Variants in TTC3 observed in about 807,000 individuals in gnomAD.
TTC3 encodes the protein tetratricopeptide repeat domain 3, also known as E3 ubiquitin-protein ligase TTC3.
Under a neutral mutation model 249.6 loss-of-function variants are expected in TTC3, and 180 were observed. The observed-to-expected ratio is 0.72, with a 90% CI of 0.64 to 0.82. The LOEUF is 0.82. Among genes scored for constraint, TTC3 ranks in the 40% least tolerant of loss-of-function variants. The probability of loss-of-function intolerance (pLI) is 0.00; values close to 1 mark genes in which losing one functional copy is unlikely to be tolerated. For missense variants in TTC3, 2,061 were observed against 2,398.4 expected (o/e 0.86, Z 2.94); for synonymous variants, 717 against 805.0 (o/e 0.89, Z 1.85).
chr21:37,087,702 T>C, intron 2 of TTC3, 131 bp from the exon 3 acceptor site: 3 of 794,506 alleles, frequency 3.8e-6, no homozygotes, highest in Non-Finnish European at 6.2e-6. Context: ...TAAGACTCTT[T>C]GGCTGAAGAT....
intron 1 of TTC3, among the ~76,000 whole-genome samples, chr21:37,073,682 G>T (rs1218633864): frequency 6.6e-6 from 1 of 152,098 alleles, no homozygotes; most frequent in Non-Finnish European, 1.5e-5. Context: ...ACCCCCCGCT[G>T]CCCGTGCCTC....
At chr21:37,169,654 G>GC (rs5843809) in intron 34 of TTC3, among the ~76,000 whole-genome samples, 151,546 of 151,560 alleles carry the variant, frequency 1, 75,766 homozygotes, top group Middle Eastern at 1. Flanking sequence ...TTTGAGACCA[G>GC]CTGGCCAACA....
In TTC3 at chr21:37,166,545, A is replaced by G. The variant is rs1368928374; in HGVS notation, c.4331A>G (p.Lys1444Arg). ...GAGCACTGTGGAAATTCTAACAACA[A>G]ATGTGAAGTAATTCCAGAAAGCACC... is the stretch of plus-strand genomic sequence containing the variant. Residue 1444 changes from lysine (K) to arginine (R), a missense_variant, in exon 33 of 46, where the codon AAA (lysine) becomes AGA (arginine). Transcript: ENST00000355666. 4 of 1,614,078 alleles carry G rather than the reference A, an allele frequency of 2.5e-6. No homozygotes were observed. The Admixed American group carries it at 6.7e-5, about 27-fold the overall frequency.
chr21:37,141,489 G>T (rs35179231), intron 20 of TTC3, among the ~76,000 whole-genome samples: 2 of 151,062 alleles, frequency 1.3e-5, no homozygotes, highest in Non-Finnish European at 2.9e-5. Flanking sequence ...TTTTTTTTTG[G>T]CCAGGCACAG....
intron 35 of TTC3, among the ~76,000 whole-genome samples, chr21:37,175,784 T>A (rs2082221741): frequency 1.3e-5 from 2 of 151,644 alleles, no homozygotes; most frequent in Admixed American, 1.3e-4. Flanking sequence ...TTTTTTTTTA[T>A]TTTTTAGATG....
chr21:37,157,151 C>G lies in TTC3; in HGVS notation c.2992+245C>G, dbSNP rs901111006. On this transcript the variant is annotated intron_variant, in intron 28 of 45. Coordinates refer to ENST00000355666, the Ensembl canonical transcript of TTC3. Reference sequence around the variant, plus strand: ...TATGCTAACAATACACAATGTTCTTCCCGTCTTAGATATTTTCACAGCATC... The same window carrying G: ...TATGCTAACAATACACAATGTTCTTGCCGTCTTAGATATTTTCACAGCATC... The G allele has an allele frequency of 6.4e-6, 9 of 1,413,092 alleles. No homozygotes were observed. The African/African-American group carries it at 1.3e-4, about 20-fold the overall frequency. 87.5% of individuals were successfully genotyped at this position (1,413,092 alleles called of 1,614,324 possible).
chr21:37,150,170 A>G (rs1025330204), exon 24 of TTC3: 48 of 1,608,786 alleles, frequency 3.0e-5, no homozygotes. Flanking sequence ...TTAAATGTGA[A>G]GTAAGTAATA....
chr21:37,132,423 C>T (rs1280902748), intron 16 of TTC3, among the ~76,000 whole-genome samples: 2 of 151,516 alleles, frequency 1.3e-5, no homozygotes, highest in African/African-American at 4.9e-5. Context: ...AGCAATTCTC[C>T]TGCCTCAGCC....
chr21:37,091,930 A>T (rs2073330946), intron 7 of TTC3, among the ~76,000 whole-genome samples: 1 of 152,182 alleles, frequency 6.6e-6, no homozygotes, highest in South Asian at 2.1e-4. Context: ...TTCTGTCTTA[A>T]TTATTTTTAT....
chr21:37,104,588 C>CAAAAAAAAAAAAAAAAAA lies in TTC3; in HGVS notation c.846-3800_846-3783dup, dbSNP rs141618903. The stretch of plus-strand genomic sequence containing the variant: ...CTCGGCGACGAGCAAAACTCCGTCT[C>CAAAAAAAAAAAAAAAAAA]AAAAAAAAAAAAAAAAAAAAAGAAA... On this transcript the variant is annotated intron_variant, in intron 10 of 45. Coordinates refer to ENST00000355666, the Ensembl canonical transcript of TTC3. Among the ~76,000 whole-genome samples, 191 of 104,282 alleles carry CAAAAAAAAAAAAAAAAAA rather than the reference C, an allele frequency of 1.8e-3. 2 individuals are homozygous for CAAAAAAAAAAAAAAAAAA. The highest frequency in any genetic ancestry group is 2.4e-3 in the Non-Finnish European group (126 of 52,358). 68.4% of individuals were successfully genotyped at this position (104,282 alleles called of 152,430 possible).
chr21:37,140,267 C>T (rs1162449639), intron 19 of TTC3, among the ~76,000 whole-genome samples: 1 of 152,102 alleles, frequency 6.6e-6, no homozygotes, highest in East Asian at 1.9e-4. Context: ...CGATTTGACT[C>T]TTTTTAGTAT....
chr21:37,107,099 A>G (rs184062183), intron 10 of TTC3, among the ~76,000 whole-genome samples: 1 of 147,400 alleles, frequency 6.8e-6, no homozygotes, highest in Non-Finnish European at 1.5e-5. Context: ...TTTGTACGTA[A>G]CCTTTTAGTA....
chr21:37,092,237 C>T (rs942163311), intron 7 of TTC3, among the ~76,000 whole-genome samples: 1 of 152,134 alleles, frequency 6.6e-6, no homozygotes, highest in Admixed American at 6.5e-5. Context: ...AGATGATGAC[C>T]AATAATTTAC....
Position 37,188,488 on chromosome 21 carries a change from C to T in TTC3, c.4924-7C>T. The T allele has an allele frequency of 6.2e-7, 1 of 1,609,892 alleles. No homozygotes were observed. Among genetic ancestry groups the T allele is most frequent in the Non-Finnish European group, 8.5e-7 (1 of 1,176,736 alleles). On this transcript the variant is annotated splice_polypyrimidine_tract_variant and splice_region_variant and intron_variant, in intron 38 of 45. Transcript: ENST00000355666. Reference sequence around the variant, plus strand: ...AAATACTCATATGTCTTCTGATCTACTGGCAGGTATCCGTACTTGAAAACT... The same window carrying T: ...AAATACTCATATGTCTTCTGATCTATTGGCAGGTATCCGTACTTGAAAACT...
At chr21:37,193,231 C>T (rs1428343612) in intron 41 of TTC3, among the ~76,000 whole-genome samples, 1 of 46 alleles carries the variant, frequency 0.022, no homozygotes, top group African/African-American at 0.083. Context: ...CCTGAAACCC[C>T]GTCAGGCGTG....
chr21:37,136,252 G>A (rs1215297178), intron 18 of TTC3, among the ~76,000 whole-genome samples: 2 of 152,132 alleles, frequency 1.3e-5, no homozygotes, highest in South Asian at 2.1e-4. Context: ...AGAGTTGCAC[G>A]TCTCTCACTT....
chr21:37,073,900 A>C (rs1294467027), intron 1 of TTC3, among the ~76,000 whole-genome samples: 2 of 152,224 alleles, frequency 1.3e-5, no homozygotes, highest in Non-Finnish European at 1.5e-5. Context: ...ACCCCCGCCT[A>C]GAGCCTTGCT....
chr21:37,087,741 C>G, intron 2 of TTC3, 92 bp from the exon 3 acceptor site: 1 of 1,024,564 alleles, frequency 9.8e-7, no homozygotes, highest in Non-Finnish European at 1.5e-6. Context: ...TAAATGCCCA[C>G]TGAAAGTTCT....
rs577958384 is a variant in TTC3, at chr21:37,160,858, G to A, written c.3096G>A (p.Lys1032=). ...AGAAAAAGAAGCCAAAGGATTCAAA[G>A]GTATGGAGTATTTTCTGTATTAATT... is the stretch of plus-strand genomic sequence containing the variant. Residue 1032 remains lysine (K), a splice_region_variant and synonymous_variant, in exon 30 of 46, where the codon AAG becomes AAA. Coordinates refer to ENST00000355666, the Ensembl canonical transcript of TTC3. The A allele has an allele frequency of 9.9e-4, 1,600 of 1,612,506 alleles. 29 individuals are homozygous for A. In the South Asian group the frequency reaches 0.016, roughly 16 times the overall value.
Sources: gnomAD v4.1 joint callset for allele counts (sites outside exome capture counted in the v4.1 genomes callset) on GRCh38, gnomAD v4.1.1 for gene constraint, MANE v1.5 for transcripts, NCBI Gene and HGNC (gene_info 2026-07-23, HGNC 2026-07-21) for gene names.